The following PDE4D variants were observed in gnomAD, a reference collection of about 807,000 sequenced individuals.
The protein encoded by PDE4D is phosphodiesterase 4D.
PDE4D carries 24 observed loss-of-function variants against 87.4 expected under a neutral mutation model. The ratio of observed to expected loss-of-function variants is 0.27; its 90% confidence interval spans 0.20 to 0.39. PDE4D has a LOEUF of 0.39. Among genes scored for constraint, PDE4D ranks in the 10% least tolerant of loss-of-function variants. PDE4D has a pLI of 1.00. For missense variants in PDE4D, 714 were observed against 1,041.0 expected, an observed-to-expected ratio of 0.69 and a Z score of 4.32; for synonymous variants, 384 against 383.2, an observed-to-expected ratio of 1.00 and a Z score of -0.02.
rs532509479 is a variant in PDE4D at position 59,144,899 on chromosome 5, G to C, written c.808+35696C>G. 1.4e-3 allele frequency among the ~76,000 whole-genome samples: 178 copies of C among 130,764 alleles called. 2 individuals carry two copies. Among genetic ancestry groups the C allele is most frequent in the Middle Eastern group, 3.8e-3 (1 of 260 alleles). 85.8% of individuals were successfully genotyped at this position (130,764 alleles called of 152,430 possible). A position where few individuals can be genotyped will look rare whatever the true frequency, so the allele number is the denominator to read the frequency against. Reference sequence around the variant, plus strand: ...CTTTAATAGGGTTTAATGGGGGGGGGGGGGGGAACCATCCAGAAGCTGATT... The same window carrying C: ...CTTTAATAGGGTTTAATGGGGGGGGCGGGGGGAACCATCCAGAAGCTGATT... On this transcript the variant is annotated intron_variant, in intron 5 of 14. Transcript: ENST00000340635.
chr5:60,206,981 G>C (rs1236596662), intron 1 of PDE4D, among the ~76,000 whole-genome samples: 1 of 152,110 alleles, frequency 6.6e-6, no homozygotes, highest in Admixed American at 6.6e-5. Context: ...ATTAAGAAAA[G>C]AAAAATGAGA....
In PDE4D at chr5:59,183,248, T is replaced by C. The variant is rs139639782; in HGVS notation, c.758+1941A>G. Among the ~76,000 whole-genome samples, 14 of 152,318 alleles carry C rather than the reference T, an allele frequency of 9.2e-5. No homozygotes were observed. In the East Asian group the frequency reaches 2.7e-3, roughly 29 times the overall value. On this transcript the variant is annotated intron_variant, in intron 4 of 14. Transcript: ENST00000340635. ...AAAGGAAGACCACAGTGGCCTTTAC[T>C]TAGAGTCTGCCAGATAATACTGTTT...
intron 1 of PDE4D, chr5:59,275,584 G>A (rs1175763194): frequency 2.4e-5 from 33 of 1,374,692 alleles, no homozygotes; most frequent in Non-Finnish European, 3.1e-5. Context: ...GTTCTAACAC[G>A]CAGGAGCGCT....
At chr5:60,127,084 A>G (rs1182647379) in intron 2 of PDE4D, among the ~76,000 whole-genome samples, 4 of 152,124 alleles carry the variant, frequency 2.6e-5, no homozygotes, top group Admixed American at 1.3e-4. Flanking sequence ...TTCACTAGGT[A>G]AAGGGGAGAG....
intron 1 of PDE4D, among the ~76,000 whole-genome samples, chr5:59,232,911 C>T (rs1161625322): frequency 6.6e-6 from 1 of 151,746 alleles, no homozygotes; most frequent in African/African-American, 2.4e-5. Flanking sequence ...ATGAATTGAC[C>T]TGAATGTTAA....
At chr5:59,236,172 C>T (rs1192353785) in intron 1 of PDE4D, among the ~76,000 whole-genome samples, 2 of 152,104 alleles carry the variant, frequency 1.3e-5, no homozygotes, top group East Asian at 1.9e-4. Context: ...CTCTTCCTCC[C>T]TGCTTTTGCA....
chr5:59,587,102 A>G, intron 1 of PDE4D: 1 of 571,448 alleles, frequency 1.7e-6, no homozygotes, highest in Non-Finnish European at 2.2e-6. Context: ...TGACTTCAGA[A>G]GATGCTGTCA....
chr5:60,426,231 G>C (rs925557923), intron 1 of PDE4D, among the ~76,000 whole-genome samples: 1 of 152,110 alleles, frequency 6.6e-6, no homozygotes, highest in Non-Finnish European at 1.5e-5. Flanking sequence ...ACATGCACAC[G>C]TATGTCTATT....
intron 1 of PDE4D, among the ~76,000 whole-genome samples, chr5:59,273,673 C>G (rs1484314202): frequency 6.6e-6 from 1 of 152,060 alleles, no homozygotes; most frequent in African/African-American, 2.4e-5. Context: ...AGAAATCATT[C>G]TATCCCCAAG....
At chr5:59,259,199 G>A (rs1373406121) in intron 1 of PDE4D, among the ~76,000 whole-genome samples, 1 of 151,640 alleles carries the variant, frequency 6.6e-6, no homozygotes, top group Admixed American at 6.6e-5. Flanking sequence ...TTGGTTTGCT[G>A]TGTCCCTACC....
chr5:60,323,876 T>C (rs1756536175), intron 1 of PDE4D, among the ~76,000 whole-genome samples: 1 of 149,852 alleles, frequency 6.7e-6, no homozygotes. Flanking sequence ...CCTGCTCCCA[T>C]TCTTTACCTA....
chr5:59,659,409 A>C (rs183941883), intron 1 of PDE4D, among the ~76,000 whole-genome samples: 1 of 152,370 alleles, frequency 6.6e-6, no homozygotes, highest in Non-Finnish European at 1.5e-5. Flanking sequence ...TAGTAAAGAG[A>C]AACAACCAAC....
intron 1 of PDE4D, among the ~76,000 whole-genome samples, chr5:59,686,543 G>A (rs1749895081): frequency 6.6e-6 from 1 of 152,086 alleles, no homozygotes; most frequent in Non-Finnish European, 1.5e-5. Flanking sequence ...TTTAAAAATA[G>A]AAATGATCAC....
At chr5:59,870,712 G>A (rs1375209441) in intron 1 of PDE4D, among the ~76,000 whole-genome samples, 4 of 152,160 alleles carry the variant, frequency 2.6e-5, no homozygotes, top group African/African-American at 7.2e-5. Flanking sequence ...GATCACAAAC[G>A]ATTTGCTAAA....
intron 1 of PDE4D, among the ~76,000 whole-genome samples, chr5:59,532,177 C>G (rs1038811196): frequency 6.6e-6 from 1 of 152,150 alleles, no homozygotes; most frequent in African/African-American, 2.4e-5. Flanking sequence ...CACTCTCACC[C>G]AGGCTAGAGT....
chr5:59,517,669 G>A (rs1811414667), intron 1 of PDE4D, among the ~76,000 whole-genome samples: 2 of 152,184 alleles, frequency 1.3e-5, no homozygotes, highest in Non-Finnish European at 2.9e-5. Context: ...AAGCTGAAAG[G>A]AGGATATATT....
At chr5:59,292,889 G>A (rs544227851) in intron 1 of PDE4D, among the ~76,000 whole-genome samples, 6 of 152,130 alleles carry the variant, frequency 3.9e-5, no homozygotes, top group Non-Finnish European at 8.8e-5. Context: ...CATGCAAGGA[G>A]ATGTATTTAG....
rs1176255693 is a variant in PDE4D at position 60,233,058 on chromosome 5, GA to G, written c.-89-47372del. Among the ~76,000 whole-genome samples the G allele has an allele frequency of 7.2e-5, 11 of 151,772 alleles. No homozygotes were observed. The East Asian group carries it at 2.1e-3, about 29-fold the overall frequency. On this transcript the variant is annotated intron_variant, in intron 1 of 16. Coordinates refer to the PDE4D transcript ENST00000502484. Reference sequence around the variant, plus strand: ...ATTCTAAAACTTAGCTGCAAGATTAGAATCCATATAAATACCTCAAAGTGAA... The same window carrying G: ...ATTCTAAAACTTAGCTGCAAGATTAGATCCATATAAATACCTCAAAGTGAA...
intron 1 of PDE4D, among the ~76,000 whole-genome samples, chr5:59,679,632 T>C (rs867327581): frequency 7.2e-5 from 11 of 152,166 alleles, no homozygotes; most frequent in African/African-American, 1.9e-4. Flanking sequence ...GATAACCTAA[T>C]GGCAAGGCTG....
Sources: gnomAD v4.1 joint callset for allele counts (sites outside exome capture counted in the v4.1 genomes callset) on GRCh38, gnomAD v4.1.1 for gene constraint, MANE v1.5 for transcripts, NCBI Gene and HGNC (gene_info 2026-07-23, HGNC 2026-07-21) for gene names.